The following HPX variants were observed in gnomAD, a reference collection of about 807,000 sequenced individuals.
HPX encodes beta-1B-glycoprotein.
In HPX, 42 loss-of-function variants were observed where a neutral mutation model predicts 53.8. The ratio of observed to expected loss-of-function variants is 0.78; its 90% CI spans 0.61 to 1.01. HPX has a LOEUF of 1.01. Among genes scored for constraint, HPX ranks in the 50% least tolerant of loss-of-function variants. HPX has a pLI of 0.00. For missense variants in HPX, 547 were observed against 594.3 expected (o/e 0.92, Z 0.83); for synonymous variants, 229 against 221.1 (o/e 1.04, Z -0.32).
chr11:6,436,601 T>C (rs1333525278), intron 7 of HPX, among the ~76,000 whole-genome samples: 1 of 152,058 alleles, frequency 6.6e-6, no homozygotes, highest in Non-Finnish European at 1.5e-5. Flanking sequence ...GGTCTGGACA[T>C]AGGAACCAGG....
In HPX at chr11:6,434,715, T is replaced by C. The variant is rs540181040; in HGVS notation, c.835+2331A>G. ...GTTCCCAACCCATTAATGTAGCCAA[T>C]ACATAGGCTGGCAATCAACCACTTT... is the stretch of plus-strand genomic sequence containing the variant. On this transcript the variant is annotated intron_variant, in intron 7 of 9. Coordinates refer to ENST00000265983, the MANE Select transcript of HPX (RefSeq NM_000613.3). Among the ~76,000 whole-genome samples the C allele has an allele frequency of 8.3e-4, 127 of 152,328 alleles. 1 individual carries two copies. The South Asian group carries it at 0.01, about 12-fold the overall frequency.
At chr11:6,436,380 C>G (rs1201304101) in intron 7 of HPX, among the ~76,000 whole-genome samples, 1 of 152,196 alleles carries the variant, frequency 6.6e-6, no homozygotes, top group Non-Finnish European at 1.5e-5. Flanking sequence ...CTATTTACTG[C>G]CTGACTGAAC....
At chr11:6,437,302 C>G in intron 6 of HPX, 125 bp from the exon 7 acceptor site, 1 of 1,392,802 alleles carries the variant, frequency 7.2e-7, no homozygotes, top group Non-Finnish European at 9.9e-7. Flanking sequence ...ATGGGAAAAT[C>G]CAGAATGGAA....
chr11:6,437,571 G>A lies in HPX; in HGVS notation c.572C>T (p.Ala191Val). 6.2e-7 allele frequency: 1 copy of A among 1,614,208 alleles called. No homozygotes were observed. The highest frequency in any genetic ancestry group is 8.5e-7 in the Non-Finnish European group (1 of 1,180,016). ...GTAGTAGCGGCCCAGCCATCTCAGG[G>A]CAGAGGAGCAGTTCCCAACAGCTGG... ...SWPAVGNCSS[A>V]LRWLGRYYCF... The change falls in exon 6 of 10, where the codon GCC (alanine) becomes GTC (valine). Residue 191 changes from alanine to valine, a missense_variant. Coordinates refer to ENST00000265983, the MANE Select transcript of HPX (RefSeq NM_000613.3).
intron 8 of HPX, 31 bp downstream of exon 8, chr11:6,431,856 C>T (rs751901356): frequency 7.4e-6 from 12 of 1,613,978 alleles, no homozygotes; most frequent in Non-Finnish European, 1.0e-5. Context: ...TTGTCCCAGT[C>T]TCTACCTCAA....
In HPX at chr11:6,431,482, G is replaced by A. The variant is rs910760381; in HGVS notation, c.1130-12C>T. On this transcript the variant is annotated splice_polypyrimidine_tract_variant and intron_variant, in intron 9 of 9. Coordinates refer to ENST00000265983, the MANE Select transcript of HPX (RefSeq NM_000613.3). ...CCACAGCCGCCGTCCTGGGGAGAAG[G>A]CACCAAACATAGCATGGCTTCCATG... 3.7e-6 allele frequency: 6 copies of A among 1,613,932 alleles called. No individual in the cohort carries two copies. Among genetic ancestry groups the A allele is most frequent in the Non-Finnish European group, 5.1e-6 (6 of 1,179,910 alleles).
In HPX at chr11:6,440,863, A is replaced by G; in HGVS notation, c.83+18T>C. On this transcript the variant is annotated intron_variant, in intron 1 of 9. Coordinates refer to ENST00000265983, the MANE Select transcript of HPX (RefSeq NM_000613.3). ...GCCCAGAACTCAATCCTTCGCTTCT[A>G]GTCCCAGCTTTACTCACGGAGGAAG... 6.2e-7 allele frequency: 1 copy of G among 1,611,666 alleles called. No homozygotes were observed. The highest frequency in any genetic ancestry group is 8.5e-7 in the Non-Finnish European group (1 of 1,177,952).
At chr11:6,432,794 A>G (rs898782103) in intron 7 of HPX, among the ~76,000 whole-genome samples, 1 of 151,992 alleles carries the variant, frequency 6.6e-6, no homozygotes, top group Admixed American at 6.6e-5. Flanking sequence ...CTTCAACCTG[A>G]TATCTAAATA....
intron 7 of HPX, among the ~76,000 whole-genome samples, chr11:6,433,023 C>A (rs1388618088): frequency 6.6e-6 from 1 of 152,142 alleles, no homozygotes. Context: ...ACCTAATATG[C>A]CCAAACTGAT....
intron 5 of HPX, chr11:6,438,136 G>A (rs1849439963): frequency 1.7e-6 from 1 of 590,478 alleles, no homozygotes; most frequent in Middle Eastern, 4.6e-4. Flanking sequence ...GGAACAATGA[G>A]GGACTATTCA....
intron 7 of HPX, among the ~76,000 whole-genome samples, chr11:6,433,253 T>C (rs1333921121): frequency 6.6e-6 from 1 of 152,246 alleles, no homozygotes; most frequent in Non-Finnish European, 1.5e-5. Flanking sequence ...CTCGGCTCAC[T>C]GCAACATTCA....
At chr11:6,438,588 C>T (rs1270536288) in intron 4 of HPX, 79 bp from the exon 5 acceptor site, 3 of 1,310,920 alleles carry the variant, frequency 2.3e-6, no homozygotes, top group African/African-American at 2.9e-5. Flanking sequence ...TTTTTATCTA[C>T]TGTGCTTATA....
chr11:6,440,783 T>C, intron 1 of HPX, 53 bp from the exon 2 acceptor site: 3 of 1,597,830 alleles, frequency 1.9e-6, no homozygotes, highest in Non-Finnish European at 2.6e-6. Context: ...CCCTTTCCCA[T>C]AGCCCCTGAC....
At position 6,431,293 on chromosome 11, in the gene HPX, T is replaced by C. The variant is rs1474865277; in HGVS notation, c.1307A>G (p.Tyr436Cys). ...TGCATTCAGTTTCTCCACATCACTG[T>C]AGCAGTACAAATTGGGACCATGGAT... ...YLIHGPNLYC[Y>C]SDVEKLNAAK... is the part of the protein sequence containing the mutation. The change falls in exon 10 of 10, where the codon TAC becomes TGC. Residue 436 changes from tyrosine to cysteine, a missense_variant. Coordinates refer to ENST00000265983, the MANE Select transcript of HPX (RefSeq NM_000613.3). 2 of 1,614,140 alleles carry C rather than the reference T, an allele frequency of 1.2e-6. No individual in the cohort carries two copies. Among genetic ancestry groups the C allele is most frequent in the Non-Finnish European group, 1.7e-6 (2 of 1,180,052 alleles).
rs1849446991 is a variant in HPX at position 6,438,573 on chromosome 11, C to T, written c.337-64G>A. Reference sequence around the variant, plus strand: ...CAGATACTGCCACTCTGCATTTACACACATTTTTTATCTACTGTGCTTATA... The same window carrying T: ...CAGATACTGCCACTCTGCATTTACATACATTTTTTATCTACTGTGCTTATA... On this transcript the variant is annotated intron_variant, in intron 4 of 9. Transcript: ENST00000265983. 6 of 1,453,798 alleles carry T rather than the reference C, an allele frequency of 4.1e-6. No homozygotes were observed. In the African/African-American group the frequency reaches 7.0e-5, roughly 17 times the overall value. The allele number at this position is 1,453,798 out of a possible 1,614,324, so 90.1% of individuals were successfully genotyped here. A position where few individuals can be genotyped will look rare whatever the true frequency, so the allele number is the denominator to read the frequency against.
chr11:6,431,140 G>T lies in HPX; in HGVS notation c.*71C>A. On this transcript the variant is annotated 3_prime_UTR_variant, in exon 10 of 10. Coordinates refer to ENST00000265983, the MANE Select transcript of HPX (RefSeq NM_000613.3). ...GTCAGAAGGCCCCTCAGTGAGAAGC[G>T]AAGAAGCAATCTGTCTTTATTATGA... 1 of 1,585,174 alleles carries T rather than the reference G, an allele frequency of 6.3e-7. No individual in the cohort carries two copies. Among genetic ancestry groups the T allele is most frequent in the East Asian group, 2.3e-5 (1 of 44,420 alleles).
Position 6,438,554 on chromosome 11 carries a change from C to T in HPX, c.337-45G>A, listed in dbSNP as rs182316185. ...CTTTTTGACTGTGCATCCCCAGATA[C>T]TGCCACTCTGCATTTACACACATTT... On this transcript the variant is annotated intron_variant, in intron 4 of 9. Coordinates refer to ENST00000265983, the MANE Select transcript of HPX (RefSeq NM_000613.3). 1.1e-5 allele frequency: 17 copies of T among 1,556,848 alleles called. No individual in the cohort carries two copies. In the Middle Eastern group the frequency reaches 5.1e-4, roughly 46 times the overall value.
At position 6,431,314 on chromosome 11, in the gene HPX, T is replaced by C. The variant is rs914123723; in HGVS notation, c.1286A>G (p.His429Arg). 1.1e-5 allele frequency: 17 copies of C among 1,614,034 alleles called. No homozygotes were observed. The highest frequency in any genetic ancestry group is 1.4e-5 in the Non-Finnish European group (16 of 1,180,024). ...ACTGTAGCAGTACAAATTGGGACCA[T>C]GGATGAGGTACAAGCCGGGACCATT... ...SANGPGLYLI[H>R]GPNLYCYSDV... Residue 429 changes from histidine to arginine, a missense_variant, in exon 10 of 10, where the codon CAT becomes CGT. By Grantham distance (29) the His-to-Arg change is conservative (BLOSUM62 0). Transcript: ENST00000265983.
At chr11:6,438,719 G>A (rs1053427177) in intron 4 of HPX, among the ~76,000 whole-genome samples, 9 of 152,244 alleles carry the variant, frequency 5.9e-5, no homozygotes, top group African/African-American at 2.2e-4. Flanking sequence ...TAACACACAT[G>A]CCTCTAGCTC....
Sources: allele counts gnomAD v4.1 joint callset (sites outside exome capture counted in the v4.1 genomes callset), GRCh38; gene constraint gnomAD v4.1.1; transcripts MANE v1.5; gene names NCBI Gene and HGNC (gene_info 2026-07-23, HGNC 2026-07-21).